Variants in NOS1AP observed in about 807,000 individuals in gnomAD.
The protein encoded by NOS1AP is carboxyl-terminal PDZ ligand of neuronal nitric oxide synthase protein.
NOS1AP carries 21 observed loss-of-function variants against 56.2 expected under a neutral mutation model. The observed-to-expected ratio is 0.37, with a 90% CI of 0.26 to 0.54. NOS1AP has a LOEUF of 0.54. NOS1AP is among the 20% of genes least tolerant of loss of function. The probability of loss-of-function intolerance (pLI) is 0.84; values close to 1 mark genes in which losing one functional copy is unlikely to be tolerated. For synonymous variants in NOS1AP, 270 were observed against 274.6 expected, an observed-to-expected ratio of 0.98 and a Z score of 0.17; for missense variants, 522 against 657.8, an observed-to-expected ratio of 0.79 and a Z score of 2.26.
chr1:162,213,909 A>G (rs1557835088), intron 2 of NOS1AP, among the ~76,000 whole-genome samples: 2 of 152,232 alleles, frequency 1.3e-5, no homozygotes, highest in Non-Finnish European at 2.9e-5. Context: ...CATCCGCTAG[A>G]AGTAACTTTA....
intron 2 of NOS1AP, among the ~76,000 whole-genome samples, chr1:162,277,404 C>T (rs549357375): frequency 6.6e-6 from 1 of 152,324 alleles, no homozygotes; most frequent in South Asian, 2.1e-4. Context: ...GAATTACCTT[C>T]TTCATCATAC....
At chr1:162,123,354 G>C (rs1648322812) in intron 1 of NOS1AP, among the ~76,000 whole-genome samples, 1 of 151,998 alleles carries the variant, frequency 6.6e-6, no homozygotes, top group Non-Finnish European at 1.5e-5. Flanking sequence ...TGTGTTTTTA[G>C]TAGAGATGGG....
At chr1:162,264,804 C>CCG (rs1654366498) in intron 2 of NOS1AP, among the ~76,000 whole-genome samples, 1 of 113,922 alleles carries the variant, frequency 8.8e-6, no homozygotes, top group Non-Finnish European at 1.8e-5. Context: ...GCGTGAGCCA[C>CCG]CGCGCCCGAC....
At chr1:162,326,694 C>T (rs1656601451) in intron 4 of NOS1AP, among the ~76,000 whole-genome samples, 1 of 152,128 alleles carries the variant, frequency 6.6e-6, no homozygotes, top group African/African-American at 2.4e-5. Flanking sequence ...CATTGGCAGG[C>T]TTGAGACCCA....
In NOS1AP at chr1:162,367,531, G is replaced by A; in HGVS notation, c.*64G>A. On this transcript the variant is annotated 3_prime_UTR_variant, in exon 10 of 10. Coordinates refer to ENST00000361897, the MANE Select transcript of NOS1AP (RefSeq NM_014697.3). This position sits in a 1 kb window ranked among gnomAD's most constrained non-coding sequence, Gnocchi z 6.5. ...GAGGGGCCGTGTCTGGCTGCTGCCC[G>A]GGTAGGGGATGCCCAGTGAATGTGC... The A allele has an allele frequency of 1.3e-6, 2 of 1,482,084 alleles. No individual in the cohort carries two copies. The highest frequency in any genetic ancestry group is 9.0e-7 in the Non-Finnish European group (1 of 1,111,558). 91.8% of individuals were successfully genotyped at this position (1,482,084 alleles called of 1,614,324 possible).
chr1:162,087,417 T>A (rs1415902304), intron 1 of NOS1AP, among the ~76,000 whole-genome samples: 3 of 152,192 alleles, frequency 2.0e-5, no homozygotes, highest in Non-Finnish European at 4.4e-5. Flanking sequence ...TACACTAATT[T>A]GTCTACTCTT....
intron 2 of NOS1AP, among the ~76,000 whole-genome samples, chr1:162,250,282 G>A (rs1472006623): frequency 6.6e-6 from 1 of 152,096 alleles, no homozygotes; most frequent in East Asian, 1.9e-4. Flanking sequence ...GCCTTCCTAG[G>A]GATGTTGACC....
At position 162,343,866 on chromosome 1, in the gene NOS1AP, G is replaced by A; in HGVS notation, c.485G>A (p.Gly162Glu). 3 of 1,614,080 alleles carry A rather than the reference G, an allele frequency of 1.9e-6. No homozygotes were observed. The highest frequency in any genetic ancestry group is 2.5e-6 in the Non-Finnish European group (3 of 1,180,022). Residue 162 changes from glycine (G) to glutamate (E), a missense_variant, in exon 6 of 10, where the codon GGG (glycine) becomes GAG (glutamate). Physicochemically the swap from Gly to Glu is moderately conservative, Grantham distance 98 (BLOSUM62 -2). Around this residue, in one of 4 missense-constraint regions of NOS1AP, gnomAD observed 132 missense variants for 218.1 expected, o/e 0.61. Coordinates refer to ENST00000361897, the MANE Select transcript of NOS1AP (RefSeq NM_014697.3). ...SQAMRIVRTV[G>E]QAFEVCHKLS... ...GCTATGAGAATCGTTCGGACGGTGG[G>A]GCAGGCCTTTGAGGTCTGCCACAAG...
intron 3 of NOS1AP, among the ~76,000 whole-genome samples, chr1:162,298,423 G>T (rs1026805331): frequency 3.9e-5 from 6 of 152,188 alleles, no homozygotes; most frequent in African/African-American, 1.4e-4. Context: ...TACAAACCAG[G>T]GTGGTGTAAT....
intron 2 of NOS1AP, among the ~76,000 whole-genome samples, chr1:162,155,310 G>GTATATA (rs770493304): frequency 2.1e-5 from 3 of 141,186 alleles, no homozygotes; most frequent in Non-Finnish European, 4.6e-5. Flanking sequence ...ATATGTATGT[G>GTATATA]TATATATATA....
Position 162,100,006 on chromosome 1 carries a change from C to A in NOS1AP, c.105+29724C>A, listed in dbSNP as rs1006073388. 1.8e-4 allele frequency among the ~76,000 whole-genome samples: 27 copies of A among 151,606 alleles called. No individual in the cohort carries two copies. The South Asian group carries it at 3.1e-3, about 18-fold the overall frequency. ...CATAGTATTCCATGGTGTATATGTG[C>A]CACATTTTCTTAATCCAGTCTATCA... On this transcript the variant is annotated intron_variant, in intron 1 of 9. Transcript: ENST00000361897.
chr1:162,110,437 A>G (rs1027656866), intron 1 of NOS1AP, among the ~76,000 whole-genome samples: 1 of 152,124 alleles, frequency 6.6e-6, no homozygotes, highest in Non-Finnish European at 1.5e-5. Context: ...ATTCAAATAC[A>G]TGCACCACGT....
At chr1:162,086,399 G>T (rs1326527941) in intron 1 of NOS1AP, among the ~76,000 whole-genome samples, 1 of 152,160 alleles carries the variant, frequency 6.6e-6, no homozygotes, top group Non-Finnish European at 1.5e-5. Flanking sequence ...TTTATCCACT[G>T]TATATCTGTT....
intron 1 of NOS1AP, among the ~76,000 whole-genome samples, chr1:162,111,431 C>T (rs751861756): frequency 2.0e-5 from 3 of 152,106 alleles, no homozygotes; most frequent in Admixed American, 6.6e-5. Context: ...TGCCTTTGAC[C>T]GTGGAGGAGA....
chr1:162,246,325 G>A (rs921735333), intron 2 of NOS1AP, among the ~76,000 whole-genome samples: 1 of 152,092 alleles, frequency 6.6e-6, no homozygotes, highest in East Asian at 1.9e-4. Context: ...CAATGTGCAG[G>A]GACAGTACAG....
chr1:162,128,519 A>G (rs533683627), intron 1 of NOS1AP, among the ~76,000 whole-genome samples: 2 of 152,306 alleles, frequency 1.3e-5, no homozygotes, highest in African/African-American at 2.4e-5. Context: ...TAAATATTCA[A>G]TGTTATATTA....
At chr1:162,233,669 G>A (rs975899222) in intron 2 of NOS1AP, among the ~76,000 whole-genome samples, 4 of 152,082 alleles carry the variant, frequency 2.6e-5, no homozygotes, top group African/African-American at 7.2e-5. Flanking sequence ...TTTATTTTAA[G>A]TACTTTATTG....
intron 6 of NOS1AP, among the ~76,000 whole-genome samples, chr1:162,354,513 G>A (rs1275996012): frequency 6.6e-6 from 1 of 152,180 alleles, no homozygotes; most frequent in Non-Finnish European, 1.5e-5. Context: ...AATGTGGGAA[G>A]TAGAAAAATT....
chr1:162,077,408 A>T (rs770624794), intron 1 of NOS1AP, among the ~76,000 whole-genome samples: 1 of 151,602 alleles, frequency 6.6e-6, no homozygotes, highest in Non-Finnish European at 1.5e-5. Context: ...TTTTCTTTGG[A>T]GAAATGTCTA....
Sources: gnomAD v4.1 joint callset for allele counts (sites outside exome capture counted in the v4.1 genomes callset) on GRCh38, gnomAD v4.1.1 for gene constraint, gnomAD v4.1.1 regional missense constraint, Gnocchi (gnomAD v3.1) non-coding constraint, MANE v1.5 for transcripts, NCBI Gene and HGNC (gene_info 2026-07-23, HGNC 2026-07-21) for gene names.